ACVR2A: variants seen among roughly 807,000 people sequenced by gnomAD.
ACVR2A encodes activin A receptor type 2A.
Under a neutral mutation model 61.4 loss-of-function variants are expected in ACVR2A, and 7 were observed. The ratio of observed to expected loss-of-function variants is 0.11; its 90% CI spans 0.06 to 0.21. ACVR2A has a LOEUF of 0.21. ACVR2A is among the 10% of genes least tolerant of loss of function. The probability of loss-of-function intolerance (pLI) is 1.00; values close to 1 mark genes in which losing one functional copy is unlikely to be tolerated. For synonymous variants in ACVR2A, 193 were observed against 208.3 expected (o/e 0.93, Z 0.63); for missense variants, 322 against 621.7 (o/e 0.52, Z 5.13).
At chr2:147,844,760 A>ACGCCGCTGC (rs1685255422), upstream of ACVR2A, 1 of 142,930 alleles carries the variant, frequency 7.0e-6, no homozygotes, top group Non-Finnish European at 1.5e-5. Flanking sequence ...GCGGCAGCGG[A>ACGCCGCTGC]CGCCGCTGCC....
rs752748368 is a variant in ACVR2A, at chr2:147,896,500, C to T, written c.255C>T (p.Cys85=). 14 of 1,613,578 alleles carry T rather than the reference C, an allele frequency of 8.7e-6. No homozygotes were observed. The highest frequency in any genetic ancestry group is 2.2e-5 in the East Asian group (1 of 44,840). The change falls in exon 2 of 11, where the codon TGC becomes TGT. Residue 85 remains cysteine, a synonymous_variant. Transcript: ENST00000241416. ...KQGCWLDDIN[C]YDRTDCVEKK... ...GTTGTTGGCTGGATGATATCAACTG[C>T]TATGACAGGTAAGAACACATTTAAG...
chr2:147,912,792 C>A (rs936432027), intron 4 of ACVR2A, among the ~76,000 whole-genome samples: 2 of 151,718 alleles, frequency 1.3e-5, no homozygotes, highest in Admixed American at 6.6e-5. Context: ...TTTAAAATTC[C>A]ATTTTTGAAA....
chr2:147,927,189 C>A lies in ACVR2A; in HGVS notation c.1457C>A (p.Thr486Lys). The change falls in exon 11 of 11, where the codon ACA becomes AAA. Residue 486 changes from threonine to lysine, a missense_variant. Thr to Lys is a moderately conservative substitution (Grantham distance 78, BLOSUM62 -1). Transcript: ENST00000241416. ...AGAATTACCCAGATGCAGAGACTAA[C>A]AAATATTATTACCACAGAGGACATT... The part of the protein sequence containing the change: ...GERITQMQRL[T>K]NIITTEDIVT... 6.2e-7 allele frequency: 1 copy of A among 1,612,272 alleles called. No homozygotes were observed.
chr2:147,892,706 CTG>C (rs1476837154), intron 1 of ACVR2A, among the ~76,000 whole-genome samples: 2 of 151,504 alleles, frequency 1.3e-5, no homozygotes, highest in African/African-American at 4.8e-5. Flanking sequence ...ATTATTGTAT[CTG>C]TTTCTCCGTT....
At chr2:147,867,322 G>T (rs1402988560) in intron 1 of ACVR2A, among the ~76,000 whole-genome samples, 1 of 152,140 alleles carries the variant, frequency 6.6e-6, no homozygotes, top group East Asian at 1.9e-4. Context: ...ATGTTTCTGT[G>T]CTTAAGAGTT....
chr2:147,922,106 C>T (rs944488427), intron 8 of ACVR2A, among the ~76,000 whole-genome samples: 4 of 152,006 alleles, frequency 2.6e-5, no homozygotes, highest in African/African-American at 9.7e-5. Flanking sequence ...ACTGATAGCA[C>T]AATTAAAATA....
At chr2:147,868,680 G>C (rs1269610887) in intron 1 of ACVR2A, among the ~76,000 whole-genome samples, 2 of 151,876 alleles carry the variant, frequency 1.3e-5, no homozygotes, top group African/African-American at 2.4e-5. Flanking sequence ...AGCCCAGGCT[G>C]GAGTGCAGTG....
intron 7 of ACVR2A, among the ~76,000 whole-genome samples, 179 bp downstream of exon 7, chr2:147,918,771 A>G (rs896612127): frequency 5.9e-5 from 9 of 152,086 alleles, no homozygotes; most frequent in Admixed American, 2.0e-4. Context: ...TGGATAATGT[A>G]TATGTTAACA....
chr2:147,872,110 G>A (rs1262370035), intron 1 of ACVR2A, among the ~76,000 whole-genome samples: 2 of 151,880 alleles, frequency 1.3e-5, no homozygotes, highest in South Asian at 2.1e-4. Flanking sequence ...GGTTTGATAC[G>A]TATTTATTCT....
chr2:147,878,349 G>T (rs1307824210), intron 1 of ACVR2A, among the ~76,000 whole-genome samples: 1 of 152,064 alleles, frequency 6.6e-6, no homozygotes, highest in Non-Finnish European at 1.5e-5. Flanking sequence ...ACGTAAGCCA[G>T]TATCGAAAAC....
chr2:147,918,280 A>G lies in ACVR2A; in HGVS notation c.817-167A>G, dbSNP rs73003443. 2.6e-3 allele frequency among the ~76,000 whole-genome samples: 395 copies of G among 152,080 alleles called. 1 individual carries two copies. The highest frequency in any genetic ancestry group is 8.9e-3 in the African/African-American group (370 of 41,558). On this transcript the variant is annotated intron_variant, in intron 6 of 10. Coordinates refer to ENST00000241416, the MANE Select transcript of ACVR2A (RefSeq NM_001616.5). ...CTGGTCAAATGTTTATTAATGTGAA[A>G]TGGAAGGAAATTTGAACCATTTGAA...
rs201553935 is a variant in ACVR2A, at chr2:147,918,407, T to C, written c.817-40T>C. Reference sequence around the variant, plus strand: ...AAAGTCTCCTTATACATATGGCCTTTGTCAAGAACATAAGTTTCTTTTTTT... The same window carrying C: ...AAAGTCTCCTTATACATATGGCCTTCGTCAAGAACATAAGTTTCTTTTTTT... On this transcript the variant is annotated intron_variant, in intron 6 of 10. Coordinates refer to ENST00000241416, the MANE Select transcript of ACVR2A (RefSeq NM_001616.5). 1.5e-3 allele frequency: 2,388 copies of C among 1,576,272 alleles called. 12 individuals are homozygous for C. The Middle Eastern group carries it at 0.028, about 19-fold the overall frequency.
At chr2:147,920,078 T>C in intron 7 of ACVR2A, 152 bp from the exon 8 acceptor site, 1 of 590,264 alleles carries the variant, frequency 1.7e-6, no homozygotes, top group East Asian at 2.9e-5. Flanking sequence ...TGCATGGGGC[T>C]CTGAGCTTTG....
At chr2:147,891,311 G>A (rs925488621) in intron 1 of ACVR2A, among the ~76,000 whole-genome samples, 1 of 152,052 alleles carries the variant, frequency 6.6e-6, no homozygotes, top group Non-Finnish European at 1.5e-5. Context: ...TTTGGAAATT[G>A]GAAATAGTTG....
chr2:147,844,889 G>A, upstream of ACVR2A: 1 of 389,222 alleles, frequency 2.6e-6, no homozygotes, highest in Non-Finnish European at 4.4e-6. Flanking sequence ...TTGGCTTTTC[G>A]TTGTTTGGTT....
At chr2:147,846,376 T>A (rs1476674504) in intron 1 of ACVR2A, among the ~76,000 whole-genome samples, 2 of 151,670 alleles carry the variant, frequency 1.3e-5, no homozygotes, top group Non-Finnish European at 2.9e-5. Context: ...TTTGTGTACC[T>A]CTGTGGGGTG....
chr2:147,878,677 G>C (rs1441422360), intron 1 of ACVR2A, among the ~76,000 whole-genome samples: 3 of 152,064 alleles, frequency 2.0e-5, no homozygotes, highest in Non-Finnish European at 4.4e-5. Flanking sequence ...AGGAGGCCGA[G>C]GTTGGTGGAT....
chr2:147,920,104 C>T (rs1687344192), intron 7 of ACVR2A, 126 bp from the exon 8 acceptor site: 2 of 645,604 alleles, frequency 3.1e-6, no homozygotes, highest in Non-Finnish European at 5.3e-6. Context: ...CTCACTTTCT[C>T]TGCATTTCAT....
intron 4 of ACVR2A, among the ~76,000 whole-genome samples, chr2:147,903,267 A>G (rs1357583704): frequency 6.7e-6 from 1 of 148,260 alleles, no homozygotes; most frequent in African/African-American, 2.5e-5. Flanking sequence ...TTTTTTTCAT[A>G]AGTCCTATAT....
Sources: allele counts gnomAD v4.1 joint callset (sites outside exome capture counted in the v4.1 genomes callset), GRCh38; gene constraint gnomAD v4.1.1; transcripts MANE v1.5; gene names NCBI Gene and HGNC (gene_info 2026-07-23, HGNC 2026-07-21).